The following ATP11C variants were observed in gnomAD, a reference collection of about 807,000 sequenced individuals.
ATP11C encodes the protein phospholipid-transporting ATPase IG.
Under a neutral mutation model 97.4 loss-of-function variants are expected in ATP11C, and 36 were observed. The ratio of observed to expected loss-of-function variants is 0.37; its 90% CI spans 0.28 to 0.49. ATP11C has a LOEUF of 0.49. ATP11C is among the 20% of genes least tolerant of loss of function. The probability of loss-of-function intolerance (pLI) is 0.98; values close to 1 mark genes in which losing one functional copy is unlikely to be tolerated. For missense variants in ATP11C, 730 were observed against 824.6 expected, an observed-to-expected ratio of 0.89 and a Z score of 1.40; for synonymous variants, 275 against 290.9, an observed-to-expected ratio of 0.95 and a Z score of 0.56.
At position 139,793,031 on chromosome X, in the gene ATP11C, T is replaced by C. The variant is rs545739308; in HGVS notation, c.1206+3242A>G. On this transcript the variant is annotated intron_variant, in intron 12 of 29. Transcript: ENST00000682941. The stretch of plus-strand genomic sequence containing the variant: ...GGAGTCATGGGGCAGTCTTGGGGAC[T>C]GGGCCCTCACCCTGTGGGATCTGAT... Among the ~76,000 whole-genome samples the C allele has an allele frequency of 1.4e-3, 156 of 111,573 alleles. No individual in the cohort carries two copies. The South Asian group carries it at 0.015, about 10-fold the overall frequency.
chrX:139,934,448 A>C (rs1265026177), upstream of ATP11C, among the ~76,000 whole-genome samples: 1 of 111,136 alleles, frequency 9.0e-6, no homozygotes, highest in African/African-American at 3.3e-5. Context: ...TATTTATATT[A>C]ATCAGATATT....
chrX:139,880,105 A>G (rs781369677), intron 1 of ATP11C, among the ~76,000 whole-genome samples: 18 of 111,546 alleles, frequency 1.6e-4, no homozygotes, highest in Non-Finnish European at 3.2e-4. Flanking sequence ...GCCACTATAT[A>G]GGCCATCCAG....
chrX:139,739,039 T>A (rs758112872), intron 27 of ATP11C, among the ~76,000 whole-genome samples: 7 of 111,157 alleles, frequency 6.3e-5, no homozygotes, highest in Non-Finnish European at 1.3e-4. Flanking sequence ...GAAAATTAGA[T>A]TGTGGAATAA....
chrX:139,862,998 G>C (rs897554206), intron 1 of ATP11C, among the ~76,000 whole-genome samples: 2 of 111,023 alleles, frequency 1.8e-5, no homozygotes, highest in African/African-American at 6.6e-5. Context: ...ACTTTGATTT[G>C]TTCTAGTAAG....
chrX:139,825,004 T>C (rs1448590816), intron 2 of ATP11C, among the ~76,000 whole-genome samples: 1 of 111,693 alleles, frequency 9.0e-6, no homozygotes, highest in Non-Finnish European at 1.9e-5. Context: ...AATTATGAAA[T>C]TGTTGGTCTT....
intron 1 of ATP11C, chrX:139,924,176 T>C (rs763934588): frequency 1.3e-5 from 5 of 386,183 alleles, no homozygotes; most frequent in Admixed American, 5.1e-5. Flanking sequence ...CCAGCAAGTG[T>C]TGACGCTAAA....
chrX:139,790,375 C>A (rs956895492), intron 12 of ATP11C, among the ~76,000 whole-genome samples: 1 of 110,617 alleles, frequency 9.0e-6, no homozygotes, highest in Non-Finnish European at 1.9e-5. Context: ...AGCCAGTTAA[C>A]CTGTTTGATG....
intron 1 of ATP11C, among the ~76,000 whole-genome samples, chrX:139,922,909 T>C (rs1394239227): frequency 9.0e-6 from 1 of 111,357 alleles, no homozygotes; most frequent in Non-Finnish European, 1.9e-5. Context: ...AGCCTCAGCC[T>C]CCCGAGTAGC....
At chrX:139,779,607 T>C (rs1397573797) in intron 18 of ATP11C, among the ~76,000 whole-genome samples, 1 of 111,944 alleles carries the variant, frequency 8.9e-6, no homozygotes, top group Non-Finnish European at 1.9e-5. Context: ...GGAAAGTTTA[T>C]AGCACTAATT....
At chrX:139,857,319 G>A (rs1006524225) in intron 1 of ATP11C, among the ~76,000 whole-genome samples, 1 of 112,121 alleles carries the variant, frequency 8.9e-6, no homozygotes, top group Non-Finnish European at 1.9e-5. Context: ...GGAAATACAA[G>A]GGGAGGGGCT....
chrX:139,867,348 T>C (rs1466069294), intron 1 of ATP11C, among the ~76,000 whole-genome samples: 1 of 109,297 alleles, frequency 9.1e-6, no homozygotes, highest in Non-Finnish European at 1.9e-5. Context: ...GGAAGGGGGA[T>C]AGGAAGTGTT....
chrX:139,934,367 CCT>C (rs1169113278), upstream of ATP11C, among the ~76,000 whole-genome samples: 1 of 110,522 alleles, frequency 9.0e-6, no homozygotes, highest in Non-Finnish European at 1.9e-5. Context: ...CAATTCTTCC[CCT>C]CTTATGATTC....
chrX:139,740,556 C>T (rs1181795196), intron 27 of ATP11C, among the ~76,000 whole-genome samples: 1 of 112,011 alleles, frequency 8.9e-6, no homozygotes, highest in African/African-American at 3.2e-5. Flanking sequence ...ACCCTGAGCA[C>T]ACCTGTAGTA....
chrX:139,925,917 A>C lies in ATP11C; in HGVS notation c.27+6099T>G, dbSNP rs376120613. 3.3e-4 allele frequency among the ~76,000 whole-genome samples: 37 copies of C among 111,847 alleles called. 1 individual carries two copies. The East Asian group carries it at 9.9e-3, about 30-fold the overall frequency. ...TAAATCACATCTTCTATTATCAAGA[A>C]GTCAGCCGACCCAGTAATCCGTCCA... On this transcript the variant is annotated intron_variant, in intron 1 of 29. Transcript: ENST00000682941.
chrX:139,812,548 T>C (rs371379161), intron 5 of ATP11C, among the ~76,000 whole-genome samples: 3 of 90,032 alleles, frequency 3.3e-5, no homozygotes, highest in Non-Finnish European at 6.1e-5. Context: ...CTGTTGTTGG[T>C]TTTTTTTTTT....
At chrX:139,743,313 T>C (rs755491502) in intron 26 of ATP11C, among the ~76,000 whole-genome samples, 4 of 110,466 alleles carry the variant, frequency 3.6e-5, no homozygotes, top group African/African-American at 1.3e-4. Flanking sequence ...AGTATGGTGT[T>C]TGAATTTTTT....
chrX:139,780,891 A>AAAATGG (rs1296083550), intron 18 of ATP11C, among the ~76,000 whole-genome samples: 1 of 111,944 alleles, frequency 8.9e-6, no homozygotes, highest in Non-Finnish European at 1.9e-5. Context: ...CATGGACATA[A>AAAATGG]AAATGGAAAT....
chrX:139,887,506 T>C (rs2084661553), intron 1 of ATP11C, among the ~76,000 whole-genome samples: 1 of 110,573 alleles, frequency 9.0e-6, no homozygotes, highest in South Asian at 3.9e-4. Flanking sequence ...TGCACACCTA[T>C]AGTACCAGCT....
intron 19 of ATP11C, among the ~76,000 whole-genome samples, chrX:139,770,545 C>T (rs923113767): frequency 1.8e-5 from 2 of 110,727 alleles, no homozygotes; most frequent in Non-Finnish European, 3.8e-5. Flanking sequence ...ATTCATCTGG[C>T]AGAGGGGCTT....
Sources: gnomAD v4.1 joint callset for allele counts (sites outside exome capture counted in the v4.1 genomes callset) on GRCh38, gnomAD v4.1.1 for gene constraint, MANE v1.5 for transcripts, NCBI Gene and HGNC (gene_info 2026-07-23, HGNC 2026-07-21) for gene names.